The following DOP1A variants were observed in gnomAD, a reference collection of about 807,000 sequenced individuals.
DOP1A encodes the protein DOP1 leucine zipper like protein A.
DOP1A carries 90 observed loss-of-function variants against 267.6 expected under a neutral mutation model. The ratio of observed to expected loss-of-function variants is 0.34; its 90% CI spans 0.28 to 0.40. The LOEUF (loss-of-function observed/expected upper bound fraction) is 0.40, where lower values mean the gene tolerates loss of function less well. DOP1A is among the 10% of genes least tolerant of loss of function. The probability of loss-of-function intolerance (pLI) is 1.00; values close to 1 mark genes in which losing one functional copy is unlikely to be tolerated. For synonymous variants in DOP1A, 932 were observed against 999.1 expected, an observed-to-expected ratio of 0.93 and a Z score of 1.27; for missense variants, 2,437 against 2,900.4, an observed-to-expected ratio of 0.84 and a Z score of 3.67.
intron 8 of DOP1A, 121 bp downstream of exon 8, chr6:83,119,108 G>T: frequency 1.3e-6 from 1 of 774,478 alleles, no homozygotes; most frequent in Non-Finnish European, 2.1e-6. Context: ...TTGTGTAAAT[G>T]GACAATAAAA....
Position 83,129,311 on chromosome 6 carries a change from A to C in DOP1A, c.2144A>C (p.Gln715Pro). ...CATCAAGGGGATCTTGGTCGAGAAC[A>C]AGGAGAGACTTCAAAATGGGACAGA... ...TEHQGDLGREQGETSKWDRNS... is the reference protein window; with the variant it reads ...TEHQGDLGREPGETSKWDRNS... The change falls in exon 16 of 39, where the codon CAA becomes CCA. Residue 715 changes from glutamine to proline, a missense_variant. Transcript: ENST00000349129. 1.2e-6 allele frequency: 2 copies of C among 1,606,290 alleles called. No individual in the cohort carries two copies. Among genetic ancestry groups the C allele is most frequent in the Non-Finnish European group, 1.7e-6 (2 of 1,177,362 alleles).
Position 83,151,619 on chromosome 6 carries a change from AC to A in DOP1A, c.5867del (p.Pro1956LeufsTer15). ...GTTCTGAATGAGTTTATTATGAAAAACCCTAGTTTGGAAAATAAAAAAGACC... is the reference window on the plus strand; with the variant it reads ...GTTCTGAATGAGTTTATTATGAAAAACCTAGTTTGGAAAATAAAAAAGACC... ...LGVLNEFIMK[N>X]PSLENKKDQR... On this transcript the variant is annotated frameshift_variant, in exon 28 of 39. Transcript: ENST00000349129. LOFTEE classifies it high-confidence loss of function. The A allele has an allele frequency of 1.2e-6, 2 of 1,607,928 alleles. No homozygotes were observed. Among genetic ancestry groups the A allele is most frequent in the Non-Finnish European group, 1.7e-6 (2 of 1,178,076 alleles).
intron 1 of DOP1A, among the ~76,000 whole-genome samples, chr6:83,080,824 T>C (rs1767945093): frequency 6.6e-6 from 1 of 152,130 alleles, no homozygotes; most frequent in Non-Finnish European, 1.5e-5. Flanking sequence ...AATGTCTGTG[T>C]CACCCAAAAC....
Position 83,129,070 on chromosome 6 carries a change from T to A in DOP1A, c.1903T>A (p.Ser635Thr). 1 of 1,613,940 alleles carries A rather than the reference T, an allele frequency of 6.2e-7. No individual in the cohort carries two copies. Among genetic ancestry groups the A allele is most frequent in the Non-Finnish European group, 8.5e-7 (1 of 1,179,954 alleles). Residue 635 changes from serine to threonine, a missense_variant, in exon 16 of 39, where the codon TCC (serine) becomes ACC (threonine). Ser to Thr is a moderately conservative substitution (Grantham distance 58, BLOSUM62 1). Around this residue, in one of 9 missense-constraint regions of DOP1A, gnomAD observed 498 missense variants for 513.5 expected, o/e 0.97. Coordinates refer to ENST00000349129, the MANE Select transcript of DOP1A (RefSeq NM_015018.4). Reference protein sequence around the residue: ...GAAAIPIGSTSSETETASTVG... With the variant: ...GAAAIPIGSTTSETETASTVG... The stretch of plus-strand genomic sequence containing the variant: ...AGCTGCCATCCCAATTGGTAGCACA[T>A]CCTCTGAGACAGAAACAGCATCCAC...
rs1457832230 is a variant in DOP1A, at chr6:83,129,219, T to C, written c.2052T>C (p.Phe684=). 2.5e-6 allele frequency: 4 copies of C among 1,613,482 alleles called. No homozygotes were observed. The South Asian group carries it at 3.3e-5, about 13-fold the overall frequency. Residue 684 remains phenylalanine (F), a synonymous_variant, in exon 16 of 39, where the codon TTT becomes TTC. Coordinates refer to ENST00000349129, the MANE Select transcript of DOP1A (RefSeq NM_015018.4). ...GCTGCTTGGAGTATGTCCAACAGTT[T>C]CTTACCAGACTTATCAACCTCTACA... ...MQCCLEYVQQ[F]LTRLINLYII...
chr6:83,098,881 G>T (rs9353120), intron 3 of DOP1A, among the ~76,000 whole-genome samples: 1 of 152,156 alleles, frequency 6.6e-6, no homozygotes, highest in Non-Finnish European at 1.5e-5. Context: ...AGCAAGGCCC[G>T]TCTGTCAGAT....
rs1310521076 is a variant in DOP1A at position 83,122,019 on chromosome 6, C to T, written c.1189C>T (p.Pro397Ser). 3.1e-6 allele frequency: 5 copies of T among 1,611,376 alleles called. No individual in the cohort carries two copies. Among genetic ancestry groups the T allele is most frequent in the Non-Finnish European group, 3.4e-6 (4 of 1,178,056 alleles). The change falls in exon 11 of 39, where the codon CCC becomes TCC. Residue 397 changes from proline to serine, a missense_variant. Coordinates refer to ENST00000349129, the MANE Select transcript of DOP1A (RefSeq NM_015018.4). ...KAELDLQTEP[P>S]FSKDHAQLSS... ...AGAGTTGGATCTTCAAACTGAACCA[C>T]CCTTCAGCAAGGATCATGCTCAGTT...
intron 38 of DOP1A, 152 bp downstream of exon 38, chr6:83,163,071 C>T: frequency 1.3e-6 from 1 of 750,804 alleles, no homozygotes; most frequent in Non-Finnish European, 2.0e-6. Context: ...TGTCCATAAG[C>T]CTCATATTTC....
chr6:83,075,997 A>C (rs945970760), intron 1 of DOP1A, among the ~76,000 whole-genome samples: 5 of 152,216 alleles, frequency 3.3e-5, no homozygotes, highest in Non-Finnish European at 7.3e-5. Context: ...GGATTGTATT[A>C]ATCTTAAAAC....
At chr6:83,076,252 G>C (rs113140321) in intron 1 of DOP1A, among the ~76,000 whole-genome samples, 1,684 of 152,320 alleles carry the variant, frequency 0.011, 39 homozygotes, top group African/African-American at 0.037. Flanking sequence ...GGCCGGGTGT[G>C]GTGGCTCAGG....
At chr6:83,164,399 CA>C (rs1241349605) in intron 38 of DOP1A, among the ~76,000 whole-genome samples, 1 of 151,672 alleles carries the variant, frequency 6.6e-6, no homozygotes, top group Non-Finnish European at 1.5e-5. Flanking sequence ...ATGACAAATC[CA>C]GAAGCAAATA....
chr6:83,154,324 T>A, intron 33 of DOP1A, 83 bp downstream of exon 33: 1 of 1,274,574 alleles, frequency 7.8e-7, no homozygotes, highest in Non-Finnish European at 1.1e-6. Context: ...TTCTGGAGAC[T>A]AGGAGACTAC....
At chr6:83,072,908 G>T in intron 1 of DOP1A, 1 of 309,606 alleles carries the variant, frequency 3.2e-6, no homozygotes, top group East Asian at 9.9e-5. Context: ...TTCCATACAT[G>T]CTTAACAGTT....
intron 30 of DOP1A, 59 bp from the exon 31 acceptor site, chr6:83,153,452 C>T: frequency 2.7e-6 from 3 of 1,107,374 alleles, no homozygotes; most frequent in South Asian, 1.6e-5. Context: ...AAAATCAGTA[C>T]CTTGGGATGA....
intron 30 of DOP1A, 102 bp downstream of exon 30, chr6:83,152,469 T>A (rs1781884681): frequency 2.1e-6 from 1 of 478,174 alleles, no homozygotes; most frequent in Non-Finnish European, 3.5e-6. Flanking sequence ...GAGAAACTAT[T>A]TTGTGCTTCT....
chr6:83,110,428 T>TA, intron 6 of DOP1A, 114 bp downstream of exon 6: 1 of 1,085,146 alleles, frequency 9.2e-7, no homozygotes, highest in Non-Finnish European at 1.3e-6. Flanking sequence ...TCATCGAGCT[T>TA]ACATTTATCA....
Position 83,156,313 on chromosome 6 carries a change from C to CGA in DOP1A, c.6604+210_6604+211insGA, listed in dbSNP as rs112028320. 8.9e-3 allele frequency among the ~76,000 whole-genome samples: 1,347 copies of CGA among 152,176 alleles called. 18 individuals carry two copies. The highest frequency in any genetic ancestry group is 0.031 in the African/African-American group (1,280 of 41,528). Reference sequence around the variant, plus strand: ...TGTAGGACTTGCCTAAATGTGGTCTCTATTTTATTGTTTAGTTCAAATTTC... The same window carrying CGA: ...TGTAGGACTTGCCTAAATGTGGTCTCGATATTTTATTGTTTAGTTCAAATTTC... On this transcript the variant is annotated intron_variant, in intron 34 of 38. Transcript: ENST00000349129.
At chr6:83,113,523 T>A in intron 7 of DOP1A, 102 bp downstream of exon 7, 1 of 876,466 alleles carries the variant, frequency 1.1e-6, no homozygotes, top group Non-Finnish European at 1.8e-6. Flanking sequence ...ATTCTTCTTG[T>A]ATAAATCAGT....
rs1236596654 is a variant in DOP1A, at chr6:83,157,258, A to G, written c.6681A>G (p.Leu2227=). The G allele has an allele frequency of 6.2e-7, 1 of 1,613,986 alleles. No homozygotes were observed. Among genetic ancestry groups the G allele is most frequent in the South Asian group, 1.1e-5 (1 of 91,054 alleles). ...HSQVFLFFRV[L]LLRMSPQHLT... ...AAGTGTTCCTGTTTTTCAGAGTGTT[A>G]CTTTTAAGAATGTCTCCCCAACATC... The change falls in exon 35 of 39, where the codon TTA becomes TTG. Residue 2227 remains leucine (L), a synonymous_variant. Transcript: ENST00000349129.
Sources: gnomAD v4.1 joint callset for allele counts (sites outside exome capture counted in the v4.1 genomes callset) on GRCh38, gnomAD v4.1.1 for gene constraint, gnomAD v4.1.1 regional missense constraint, MANE v1.5 for transcripts, NCBI Gene and HGNC (gene_info 2026-07-23, HGNC 2026-07-21) for gene names.